The following ZC3HAV1 variants were observed in gnomAD, a reference collection of about 807,000 sequenced individuals.
ZC3HAV1 encodes the protein zinc finger CCCH-type containing, antiviral 1.
ZC3HAV1 carries 41 observed loss-of-function variants against 86.6 expected under a neutral mutation model. The observed-to-expected ratio is 0.47, with a 90% CI of 0.37 to 0.61. The LOEUF is 0.61. ZC3HAV1 is among the 20% of genes least tolerant of loss of function. ZC3HAV1 has a pLI of 0.00. For missense variants in ZC3HAV1, 964 were observed against 1,141.1 expected (o/e 0.84, Z 2.24); for synonymous variants, 421 against 432.1 (o/e 0.97, Z 0.32).
chr7:139,103,318 T>C (rs540115314), intron 1 of ZC3HAV1, among the ~76,000 whole-genome samples: 1 of 151,892 alleles, frequency 6.6e-6, no homozygotes, highest in South Asian at 2.1e-4. Context: ...TTGTCCAGGC[T>C]AGTCTTGAAC....
At chr7:139,065,575 A>G (rs1816575906) in intron 7 of ZC3HAV1, among the ~76,000 whole-genome samples, 1 of 152,168 alleles carries the variant, frequency 6.6e-6, no homozygotes, top group South Asian at 2.1e-4. Context: ...CTAACTGAAA[A>G]TGCACTTGGA....
chr7:139,097,986 C>T (rs1817656544), intron 1 of ZC3HAV1, among the ~76,000 whole-genome samples: 1 of 151,924 alleles, frequency 6.6e-6, no homozygotes, highest in African/African-American at 2.4e-5. Flanking sequence ...ACGCTGTCGC[C>T]CAGGTTGGAG....
intron 6 of ZC3HAV1, among the ~76,000 whole-genome samples, chr7:139,075,052 G>T (rs7783725): frequency 0.012 from 1,879 of 152,222 alleles, 45 homozygotes; most frequent in African/African-American, 0.043. Flanking sequence ...GACATTTTGG[G>T]TTAGGACAAC....
chr7:139,073,117 G>A (rs896153454), intron 7 of ZC3HAV1, among the ~76,000 whole-genome samples: 2 of 152,024 alleles, frequency 1.3e-5, no homozygotes, highest in Non-Finnish European at 2.9e-5. Flanking sequence ...CCAACATGTT[G>A]AAACCCCATG....
At chr7:139,104,520 ACT>A (rs1472533014) in intron 1 of ZC3HAV1, among the ~76,000 whole-genome samples, 5 of 150,176 alleles carry the variant, frequency 3.3e-5, no homozygotes, top group African/African-American at 9.9e-5. Flanking sequence ...TGGAGACCAG[ACT>A]GGGCAACATA....
chr7:139,088,918 C>A (rs1308202802), intron 2 of ZC3HAV1, among the ~76,000 whole-genome samples: 1 of 151,922 alleles, frequency 6.6e-6, no homozygotes, highest in Non-Finnish European at 1.5e-5. Context: ...GGCTGGCCAA[C>A]ATGGTGAAAC....
intron 1 of ZC3HAV1, among the ~76,000 whole-genome samples, chr7:139,093,656 AT>A (rs1468324519): frequency 1.1e-4 from 17 of 152,160 alleles, no homozygotes; most frequent in African/African-American, 4.1e-4. Flanking sequence ...CCCTTTGACT[AT>A]AATTTTCCAC....
At chr7:139,072,112 G>T (rs908407063) in intron 7 of ZC3HAV1, among the ~76,000 whole-genome samples, 1 of 152,108 alleles carries the variant, frequency 6.6e-6, no homozygotes, top group African/African-American at 2.4e-5. Context: ...GCCATTAAAA[G>T]TAATTACCAC....
At chr7:139,086,410 T>G (rs1351002437) in intron 2 of ZC3HAV1, among the ~76,000 whole-genome samples, 2 of 90,494 alleles carry the variant, frequency 2.2e-5, no homozygotes, top group Admixed American at 1.4e-4. Context: ...CACCCCACCC[T>G]CTAATTGTGG....
rs1817068414 is a variant in ZC3HAV1, at chr7:139,079,728, A to C, written c.1213T>G (p.Leu405Val). Residue 405 changes from leucine to valine, a missense_variant, in exon 4 of 13, where the codon TTG (leucine) becomes GTG (valine). Leu to Val is a conservative substitution (Grantham distance 32). Transcript: ENST00000242351. ...ATGATCCTGTAGTCTGAGGAAAGCA[A>C]GCCTGTGCCCTTTCTGGTGGTCACA... ...EAVTTRKGTG[L>V]LSSDYRIING... The C allele has an allele frequency of 6.2e-7, 1 of 1,614,080 alleles. No homozygotes were observed. The highest frequency in any genetic ancestry group is 1.3e-5 in the African/African-American group (1 of 74,916).
chr7:139,074,176 C>T, intron 6 of ZC3HAV1, 146 bp from the exon 7 acceptor site: 1 of 689,198 alleles, frequency 1.5e-6, no homozygotes, highest in African/African-American at 1.8e-5. Context: ...AGGTCCTACA[C>T]ATAAAAGAAA....
rs909333603 is a variant in ZC3HAV1, at chr7:139,072,805, C to T, written c.1872+1051G>A. Among the ~76,000 whole-genome samples, 5 of 152,238 alleles carry T rather than the reference C, an allele frequency of 3.3e-5. No individual in the cohort carries two copies. The South Asian group carries it at 1.0e-3, about 32-fold the overall frequency. ...ACTGCTTGAGTGAATTAACACATTC[C>T]CTGGTCTAATTAACCATGCCATCAT... is the stretch of plus-strand genomic sequence containing the variant. On this transcript the variant is annotated intron_variant, in intron 7 of 12. Coordinates refer to ENST00000242351, the MANE Select transcript of ZC3HAV1 (RefSeq NM_020119.4).
At position 139,078,559 on chromosome 7, in the gene ZC3HAV1, C is replaced by T. The variant is rs754382116; in HGVS notation, c.1566G>A (p.Pro522=). The change falls in exon 5 of 13, where the codon CCG becomes CCA. Residue 522 remains proline, a synonymous_variant. Transcript: ENST00000242351. The stretch of plus-strand genomic sequence containing the variant: ...AGTCCTTAGGTTACTCACCATTAAG[C>T]GGACAACCCTTACACAGATGGTCAA... The part of the protein sequence containing the change: ...ICLDHLCKGC[P]LNGSCSKVHF... The T allele has an allele frequency of 9.4e-6, 15 of 1,593,244 alleles. No homozygotes were observed. Among genetic ancestry groups the T allele is most frequent in the East Asian group, 2.3e-5 (1 of 44,216 alleles).
intron 7 of ZC3HAV1, among the ~76,000 whole-genome samples, chr7:139,071,810 T>C (rs893623478): frequency 2.0e-5 from 3 of 152,200 alleles, no homozygotes; most frequent in Non-Finnish European, 4.4e-5. Flanking sequence ...TTGGCTCGTT[T>C]AGAGTCTTTG....
chr7:139,108,981 G>T lies in ZC3HAV1; in HGVS notation c.308+43C>A. The stretch of plus-strand genomic sequence containing the variant: ...ATTGCCCGCCTGGACAGTCCACCCC[G>T]ACCACGGCTGCGGACAGCGCCCCTC... On this transcript the variant is annotated intron_variant, in intron 1 of 12. Transcript: ENST00000242351. This position sits in a 1 kb window ranked among gnomAD's most constrained non-coding sequence, Gnocchi z 4.2. 2 of 1,501,826 alleles carry T rather than the reference G, an allele frequency of 1.3e-6. No individual in the cohort carries two copies. The highest frequency in any genetic ancestry group is 2.6e-5 in the South Asian group (2 of 75,872). The allele number at this position is 1,501,826 out of a possible 1,614,324, so 93.0% of individuals were successfully genotyped here. A position where few individuals can be genotyped will look rare whatever the true frequency, so the allele number is the denominator to read the frequency against.
chr7:139,077,415 T>C (rs144937612), intron 5 of ZC3HAV1, among the ~76,000 whole-genome samples: 1,668 of 152,268 alleles, frequency 0.011, 32 homozygotes, highest in African/African-American at 0.038. Context: ...AGCTAATTTT[T>C]GTATTTTTAG....
In ZC3HAV1 at chr7:139,046,830, A is replaced by T. The variant is rs908658811; in HGVS notation, c.*764T>A. The T allele has an allele frequency of 1.3e-5, 2 of 152,184 alleles. No individual in the cohort carries two copies. Among genetic ancestry groups the T allele is most frequent in the African/African-American group, 4.8e-5 (2 of 41,440 alleles). The allele number at this position is 152,184 out of a possible 1,614,324, so 9.4% of individuals were successfully genotyped here. A position where few individuals can be genotyped will look rare whatever the true frequency, so the allele number is the denominator to read the frequency against. On this transcript the variant is annotated 3_prime_UTR_variant, in exon 13 of 13. Transcript: ENST00000242351. ...GTAATGTCTTACATCCTTAATAGGCATGATTAGATTTCTCCCAAATTTTCC... is the reference window on the plus strand; with the variant it reads ...GTAATGTCTTACATCCTTAATAGGCTTGATTAGATTTCTCCCAAATTTTCC...
intron 1 of ZC3HAV1, among the ~76,000 whole-genome samples, chr7:139,091,438 A>C (rs994362341): frequency 6.6e-6 from 1 of 152,090 alleles, no homozygotes; most frequent in Admixed American, 6.5e-5. Flanking sequence ...ACTGCACTCC[A>C]GCCTGGGCGA....
At chr7:139,055,922 T>C (rs1217908902) in intron 9 of ZC3HAV1, among the ~76,000 whole-genome samples, 4 of 152,214 alleles carry the variant, frequency 2.6e-5, no homozygotes, top group African/African-American at 9.6e-5. Context: ...ATGAATAGTA[T>C]AGTGGAATGA....
Sources: gnomAD v4.1 joint callset for allele counts (sites outside exome capture counted in the v4.1 genomes callset) on GRCh38, gnomAD v4.1.1 for gene constraint, Gnocchi (gnomAD v3.1) non-coding constraint, MANE v1.5 for transcripts, NCBI Gene and HGNC (gene_info 2026-07-23, HGNC 2026-07-21) for gene names.